The following ZP3 variants were observed in gnomAD, a reference collection of about 807,000 sequenced individuals.
ZP3 encodes the protein zona pellucida sperm-binding protein 3.
ZP3 carries 21 observed loss-of-function variants against 35.6 expected under a neutral mutation model. That is an observed-to-expected ratio of 0.59 (90% CI 0.42 to 0.85). The LOEUF is 0.85. Ranked by LOEUF, ZP3 falls within the 40% of genes least tolerant of loss-of-function variation. ZP3 has a pLI of 0.00. For synonymous variants in ZP3, 207 were observed against 214.5 expected (o/e 0.96, Z 0.31); for missense variants, 437 against 536.5 (o/e 0.81, Z 1.83).
intron 1 of ZP3, among the ~76,000 whole-genome samples, chr7:76,399,542 CTT>C (rs1470473600): frequency 1.3e-5 from 2 of 150,600 alleles, no homozygotes; most frequent in Non-Finnish European, 3.0e-5. Flanking sequence ...TCGTTTTTTT[CTT>C]TGTTTTTCGA....
Position 76,425,201 on chromosome 7 carries a change from G to A in ZP3, c.237G>A (p.Glu79=). Reference sequence around the variant, plus strand: ...TCACCTTGGGCCCAGAGGCCTGTGAGCCTCTGGTCTCCATGGACACAGAAG... The same window carrying A: ...TCACCTTGGGCCCAGAGGCCTGTGAACCTCTGGTCTCCATGGACACAGAAG... ...ADLTLGPEAC[E]PLVSMDTEDV... Residue 79 remains glutamate (E), a synonymous_variant, in exon 1 of 8, where the codon GAG becomes GAA. Coordinates refer to ENST00000394857, the MANE Select transcript of ZP3 (RefSeq NM_001110354.2). The A allele has an allele frequency of 6.2e-7, 1 of 1,614,000 alleles. No homozygotes were observed. The highest frequency in any genetic ancestry group is 8.5e-7 in the Non-Finnish European group (1 of 1,180,020).
chr7:76,418,835 C>G (rs565466969), intron 1 of ZP3, among the ~76,000 whole-genome samples: 40 of 152,186 alleles, frequency 2.6e-4, no homozygotes, highest in East Asian at 9.7e-4. Flanking sequence ...CAGCCTGGGC[C>G]ACAGAGGGAG....
intron 1 of ZP3, among the ~76,000 whole-genome samples, chr7:76,407,915 A>T (rs773947915): frequency 1.3e-5 from 2 of 152,044 alleles, no homozygotes; most frequent in Non-Finnish European, 2.9e-5. Context: ...AAGCTGGTTT[A>T]GAGGCTGATG....
chr7:76,406,828 G>A (rs1243390586), intron 1 of ZP3, among the ~76,000 whole-genome samples: 8 of 151,014 alleles, frequency 5.3e-5, no homozygotes, highest in Non-Finnish European at 8.8e-5. Flanking sequence ...AAAATGGGCC[G>A]AGCATTGTAA....
chr7:76,399,990 C>T (rs1217669024), intron 1 of ZP3, among the ~76,000 whole-genome samples: 1 of 152,104 alleles, frequency 6.6e-6, no homozygotes, highest in Admixed American at 6.6e-5. Flanking sequence ...GACCTCATCT[C>T]CAAAATCTCT....
At chr7:76,403,520 T>C (rs1253805936) in intron 1 of ZP3, among the ~76,000 whole-genome samples, 3 of 151,608 alleles carry the variant, frequency 2.0e-5, no homozygotes, top group African/African-American at 7.3e-5. Context: ...GTATTTTTAG[T>C]AGAGACGGGG....
intron 1 of ZP3, chr7:76,409,443 CCTT>C (rs1032442491): frequency 6.6e-6 from 1 of 152,216 alleles, no homozygotes; most frequent in Non-Finnish European, 1.5e-5. Context: ...TCTTTCTGTC[CCTT>C]CTTCTACAGT....
At chr7:76,401,672 C>T (rs987211244) in intron 1 of ZP3, among the ~76,000 whole-genome samples, 18 of 152,190 alleles carry the variant, frequency 1.2e-4, no homozygotes, top group African/African-American at 4.3e-4. Context: ...CCACTTTGGC[C>T]TGCTAAAGTG....
intron 1 of ZP3, chr7:76,398,834 G>A (rs1218944282): frequency 6.2e-7 from 1 of 1,604,608 alleles, no homozygotes; most frequent in East Asian, 2.2e-5. Context: ...GGGTCTTTCT[G>A]TTCTCCATCC....
chr7:76,436,315 G>C (rs1806011772), intron 5 of ZP3, among the ~76,000 whole-genome samples: 1 of 152,032 alleles, frequency 6.6e-6, no homozygotes, highest in African/African-American at 2.4e-5. Flanking sequence ...CCAAAGTGCT[G>C]GGATTACAGG....
intron 1 of ZP3, among the ~76,000 whole-genome samples, chr7:76,405,340 T>TTTTTTTC (rs1804984248): frequency 4.1e-5 from 2 of 48,966 alleles, no homozygotes; most frequent in African/African-American, 9.6e-5. Flanking sequence ...TCTTTCTTTC[T>TTTTTTTC]TTTTTTTTTT....
At chr7:76,398,307 C>CTTTT (rs1309414426) in intron 1 of ZP3, among the ~76,000 whole-genome samples, 1 of 132,782 alleles carries the variant, frequency 7.5e-6, no homozygotes, top group Non-Finnish European at 1.6e-5. Context: ...CATTCATTTT[C>CTTTT]TATTTTTTTT....
rs548732716 is a variant in ZP3, at chr7:76,410,382, G to A, written c.-67+12585G>A. ...TTTTTTTTTTTTGAGATGGAGTTTC[G>A]CTCTTGTTGCCCAGGCTGGAGTGCA... is the stretch of plus-strand genomic sequence containing the variant. On this transcript the variant is annotated intron_variant, in intron 1 of 8. Transcript: ENST00000336517. Among the ~76,000 whole-genome samples, 5 of 145,980 alleles carry A rather than the reference G, an allele frequency of 3.4e-5. No individual in the cohort carries two copies. In the South Asian group the frequency reaches 6.6e-4, roughly 19 times the overall value.
At chr7:76,430,251 C>G (rs1459232324) in intron 2 of ZP3, among the ~76,000 whole-genome samples, 6 of 152,164 alleles carry the variant, frequency 3.9e-5, no homozygotes, top group Non-Finnish European at 5.9e-5. Context: ...GTTCTAGAAT[C>G]TGACCTGGGC....
At chr7:76,415,272 A>G (rs1805341127) in intron 1 of ZP3, among the ~76,000 whole-genome samples, 1 of 148,498 alleles carries the variant, frequency 6.7e-6, no homozygotes, top group Admixed American at 6.8e-5. Context: ...AAGCTGAGGC[A>G]GGAGAATCCT....
At chr7:76,402,539 G>A (rs546041501) in intron 1 of ZP3, among the ~76,000 whole-genome samples, 3 of 151,604 alleles carry the variant, frequency 2.0e-5, no homozygotes, top group African/African-American at 7.3e-5. Context: ...GGCTGGTCTC[G>A]AACTCTTGGC....
At position 76,433,029 on chromosome 7, in the gene ZP3, G is replaced by C. The variant is rs1333051508; in HGVS notation, c.534G>C (p.Glu178Asp). 6.2e-7 allele frequency: 1 copy of C among 1,612,416 alleles called. No individual in the cohort carries two copies. The highest frequency in any genetic ancestry group is 1.1e-5 in the South Asian group (1 of 90,900). Residue 178 changes from glutamate (E) to aspartate (D), a missense_variant and splice_region_variant, in exon 3 of 8, where the codon GAG becomes GAC. This residue lies in a region of ZP3 where 352 missense variants were observed against 308.4 expected (regional missense o/e 1.14). Coordinates refer to ENST00000394857, the MANE Select transcript of ZP3 (RefSeq NM_001110354.2). ...EKLTFSLRLM[E>D]ENWNAEKRSP... ...TGACTTTCTCTCTGCGTCTGATGGA[G>C]GGTAAGAGAAGAAGGCTGGGTGGGA...
At chr7:76,398,309 ATTT>A (rs575917641) in intron 1 of ZP3, among the ~76,000 whole-genome samples, 26,373 of 126,814 alleles carry the variant, frequency 0.21, 2,124 homozygotes, top group South Asian at 0.25. Flanking sequence ...TTCATTTTCT[ATTT>A]TTTTTTTTTT....
chr7:76,432,060 G>A (rs1008036999), intron 2 of ZP3, among the ~76,000 whole-genome samples: 12 of 151,926 alleles, frequency 7.9e-5, no homozygotes, highest in East Asian at 3.9e-4. Flanking sequence ...TTACTCTGCC[G>A]CCCAGGCTGG....
Sources: gnomAD v4.1 joint callset for allele counts (sites outside exome capture counted in the v4.1 genomes callset) on GRCh38, gnomAD v4.1.1 for gene constraint, gnomAD v4.1.1 regional missense constraint, MANE v1.5 for transcripts, NCBI Gene and HGNC (gene_info 2026-07-23, HGNC 2026-07-21) for gene names.